Variants in M1AP observed in about 807,000 individuals in gnomAD.
M1AP encodes the protein meiosis 1 associated protein, also known as meiosis 1 arrest protein.
M1AP carries 39 observed loss-of-function variants against 51.2 expected under a neutral mutation model. The observed-to-expected ratio is 0.76, with a 90% confidence interval of 0.59 to 1.00. The LOEUF (loss-of-function observed/expected upper bound fraction) is 1.00. Among genes scored for constraint, M1AP ranks in the 50% least tolerant of loss-of-function variants. The pLI is 0.00. For synonymous variants in M1AP, 251 were observed against 249.2 expected (o/e 1.01, Z -0.07); for missense variants, 545 against 641.2 (o/e 0.85, Z 1.62).
chr2:74,558,987 A>G lies in M1AP; in HGVS notation c.1435-113T>C, dbSNP rs1039874763. On this transcript the variant is annotated intron_variant, in intron 10 of 10. Coordinates refer to ENST00000421985, the MANE Select transcript of M1AP (RefSeq NM_001321739.2). ...TTTCCTAAGTTCATTCCCTGGAGTG[A>G]CAGCCTCAAGGCCGAGGACAGTGAT... The G allele has an allele frequency of 2.8e-6, 3 of 1,073,978 alleles. No homozygotes were observed. The African/African-American group carries it at 4.9e-5, about 18-fold the overall frequency. 66.5% of individuals were successfully genotyped at this position (1,073,978 alleles called of 1,614,324 possible).
chr2:74,636,997 A>T (rs1639558161), intron 2 of M1AP, among the ~76,000 whole-genome samples: 1 of 152,190 alleles, frequency 6.6e-6, no homozygotes, highest in African/African-American at 2.4e-5. Flanking sequence ...GTATTTATCA[A>T]AATTAGAAAA....
rs141856380 is a variant in M1AP, at chr2:74,634,018, C to G, written c.240+6018G>C. On this transcript the variant is annotated intron_variant, in intron 2 of 10. Transcript: ENST00000421985. ...AAAAAGGAAAATAAAATCTAAAATA[C>G]TTTTTAAAGTTATAAGCTAAAAGAT... Among the ~76,000 whole-genome samples the G allele has an allele frequency of 3.9e-5, 6 of 152,222 alleles. No individual in the cohort carries two copies. In the East Asian group the frequency reaches 1.2e-3, roughly 29 times the overall value.
At chr2:74,640,995 T>C (rs551060670) in intron 1 of M1AP, among the ~76,000 whole-genome samples, 2 of 152,362 alleles carry the variant, frequency 1.3e-5, no homozygotes, top group Non-Finnish European at 2.9e-5. Context: ...TTCCCAAGGG[T>C]AGAGAACCTG....
rs138006701 is a variant in M1AP at position 74,576,486 on chromosome 2, G to A, written c.902C>T (p.Ser301Leu). Reference sequence around the variant, plus strand: ...CACTTGGAGCTTGTAATGAGAGGCCGATGACTGGGAAGCCATCTGGTAGAG... The same window carrying A: ...CACTTGGAGCTTGTAATGAGAGGCCAATGACTGGGAAGCCATCTGGTAGAG... ...ITLYQMASQS[S>L]ASHYKLQVIK... Residue 301 changes from serine to leucine, a missense_variant, in exon 6 of 11, where the codon TCG becomes TTG. By Grantham distance (145) the Ser-to-Leu change is moderately radical (BLOSUM62 -2). Coordinates refer to ENST00000421985, the MANE Select transcript of M1AP (RefSeq NM_001321739.2). The A allele has an allele frequency of 3.1e-4, 497 of 1,613,960 alleles. 1 individual carries two copies. Among genetic ancestry groups the A allele is most frequent in the Non-Finnish European group, 1.9e-4 (220 of 1,179,976 alleles).
intron 3 of M1AP, among the ~76,000 whole-genome samples, chr2:74,607,864 G>A (rs1247225857): frequency 6.6e-6 from 1 of 152,078 alleles, no homozygotes; most frequent in East Asian, 1.9e-4. Flanking sequence ...GTACTTAGAT[G>A]TTTTTGATCC....
intron 2 of M1AP, among the ~76,000 whole-genome samples, chr2:74,632,166 T>C (rs962440919): frequency 1.3e-5 from 2 of 152,210 alleles, no homozygotes; most frequent in African/African-American, 4.8e-5. Flanking sequence ...AAAACCTATG[T>C]GTGATTTTTT....
At chr2:74,647,257 G>C in intron 1 of M1AP, 2 of 985,162 alleles carry the variant, frequency 2.0e-6, no homozygotes, top group Non-Finnish European at 2.4e-6. Context: ...TCCCCTGCCC[G>C]CACCCCGGGA....
chr2:74,576,790 T>A, intron 5 of M1AP, 172 bp from the exon 6 acceptor site: 1 of 1,257,362 alleles, frequency 8.0e-7, no homozygotes, highest in Non-Finnish European at 1.1e-6. Context: ...AAAGCCTGAC[T>A]GGTTTGGAAA....
At chr2:74,618,009 A>G (rs986491348) in intron 2 of M1AP, among the ~76,000 whole-genome samples, 3 of 152,222 alleles carry the variant, frequency 2.0e-5, no homozygotes, top group Non-Finnish European at 4.4e-5. Flanking sequence ...TAAAGGTAAC[A>G]GCAAACGTTT....
rs115723460 is a variant in M1AP, at chr2:74,595,941, A to G, written c.595+11114T>C. On this transcript the variant is annotated intron_variant, in intron 4 of 10. Coordinates refer to ENST00000421985, the MANE Select transcript of M1AP (RefSeq NM_001321739.2). ...GTAGACTGTAAAAAGTTAGGTATATATACTGTAATCCATAGAGAAACCAGA... is the reference window on the plus strand; with the variant it reads ...GTAGACTGTAAAAAGTTAGGTATATGTACTGTAATCCATAGAGAAACCAGA... Among the ~76,000 whole-genome samples the G allele has an allele frequency of 7.9e-3, 1,200 of 152,350 alleles. 21 individuals are homozygous for G. The highest frequency in any genetic ancestry group is 0.027 in the African/African-American group (1,141 of 41,582).
chr2:74,576,980 A>ATCCT, intron 5 of M1AP: 1 of 928,276 alleles, frequency 1.1e-6, no homozygotes, highest in Non-Finnish European at 1.3e-6. Context: ...TGGAGGAGGT[A>ATCCT]GCTAATGCCA....
chr2:74,585,636 T>C (rs569328791), intron 4 of M1AP, among the ~76,000 whole-genome samples: 83 of 152,318 alleles, frequency 5.4e-4, no homozygotes, highest in African/African-American at 2.0e-3. Flanking sequence ...AAAGTCCTCA[T>C]ATAATCTCCA....
intron 7 of M1AP, among the ~76,000 whole-genome samples, chr2:74,565,863 AC>A (rs1678351498): frequency 6.6e-6 from 1 of 151,016 alleles, no homozygotes; most frequent in Non-Finnish European, 1.5e-5. Flanking sequence ...ACACACACAC[AC>A]ACAAACATTT....
In M1AP at chr2:74,615,118, G is replaced by T. The variant is rs749936243; in HGVS notation, c.272C>A (p.Thr91Asn). 6.8e-5 allele frequency: 109 copies of T among 1,614,078 alleles called. No homozygotes were observed. The highest frequency in any genetic ancestry group is 8.6e-5 in the Non-Finnish European group (102 of 1,180,028). ...QVKGNFARLQ[T>N]CISELRMLQR... Reference sequence around the variant, plus strand: ...TAACATGCGGAGTTCTGAGATGCAGGTCTGCAACCTAGCAAAGTTCCCTTT... The same window carrying T: ...TAACATGCGGAGTTCTGAGATGCAGTTCTGCAACCTAGCAAAGTTCCCTTT... Residue 91 changes from threonine to asparagine, a missense_variant, in exon 3 of 11, where the codon ACC becomes AAC. Coordinates refer to ENST00000421985, the MANE Select transcript of M1AP (RefSeq NM_001321739.2).
At chr2:74,645,058 C>T (rs964176766) in intron 1 of M1AP, among the ~76,000 whole-genome samples, 3 of 152,070 alleles carry the variant, frequency 2.0e-5, no homozygotes, top group Non-Finnish European at 4.4e-5. Context: ...TTTTTGGGTC[C>T]GCACTGCCTT....
At chr2:74,636,026 T>C (rs1043429932) in intron 2 of M1AP, among the ~76,000 whole-genome samples, 5 of 152,122 alleles carry the variant, frequency 3.3e-5, no homozygotes, top group Admixed American at 3.3e-4. Context: ...TATATCCTTA[T>C]TGATGTTCTA....
At chr2:74,623,511 A>C (rs542036589) in intron 2 of M1AP, among the ~76,000 whole-genome samples, 1 of 152,098 alleles carries the variant, frequency 6.6e-6, no homozygotes, top group Non-Finnish European at 1.5e-5. Flanking sequence ...TATAAAAAAA[A>C]AAAAAAAGAG....
At chr2:74,637,858 G>C (rs1292527542) in intron 2 of M1AP, among the ~76,000 whole-genome samples, 1 of 152,056 alleles carries the variant, frequency 6.6e-6, no homozygotes, top group Non-Finnish European at 1.5e-5. Context: ...GTACTCTGCT[G>C]AATACTCAAG....
chr2:74,597,550 C>T lies in M1AP; in HGVS notation c.595+9505G>A, dbSNP rs533704936. Among the ~76,000 whole-genome samples, 6 of 149,826 alleles carry T rather than the reference C, an allele frequency of 4.0e-5. No individual in the cohort carries two copies. The South Asian group carries it at 1.1e-3, about 28-fold the overall frequency. ...TTATCTTCTATGTTTGGGTTGTTAA[C>T]ATTTGGTGTTTCCTGAGAACACATA... On this transcript the variant is annotated intron_variant, in intron 4 of 10. Coordinates refer to ENST00000421985, the MANE Select transcript of M1AP (RefSeq NM_001321739.2).
Sources: allele counts gnomAD v4.1 joint callset (sites outside exome capture counted in the v4.1 genomes callset), GRCh38; gene constraint gnomAD v4.1.1; transcripts MANE v1.5; gene names NCBI Gene and HGNC (gene_info 2026-07-23, HGNC 2026-07-21).